The following CCBE1 variants were observed in gnomAD, a reference collection of about 807,000 sequenced individuals.
CCBE1 encodes collagen and calcium-binding EGF domain-containing protein 1.
Under a neutral mutation model 50.0 loss-of-function variants are expected in CCBE1, and 37 were observed. The observed-to-expected ratio is 0.74, with a 90% CI of 0.57 to 0.97. The LOEUF is 0.97. Among genes scored for constraint, CCBE1 ranks in the 50% least tolerant of loss-of-function variants. The pLI, the probability that CCBE1 is intolerant of heterozygous loss-of-function variation, is 0.00. For missense variants in CCBE1, 538 were observed against 523.8 expected (o/e 1.03, Z -0.26); for synonymous variants, 234 against 203.7 (o/e 1.15, Z -1.27).
chr18:59,693,351 G>A (rs1303986138), intron 2 of CCBE1, among the ~76,000 whole-genome samples: 1 of 152,010 alleles, frequency 6.6e-6, no homozygotes, highest in Non-Finnish European at 1.5e-5. Context: ...CAGCTTTCAT[G>A]GTCCCCCTTT....
chr18:59,583,668 TGTGTGTGTGTGTGCGCGCGCGC>T (rs1568218383), intron 2 of CCBE1, among the ~76,000 whole-genome samples: 3 of 93,942 alleles, frequency 3.2e-5, no homozygotes, highest in African/African-American at 1.3e-4. Flanking sequence ...TGTGTGTGTG[TGTGTGTGTGTGTGCGCGCGCGC>T]GCGCGCGCGC....
At chr18:59,562,706 C>A (rs550183495) in intron 2 of CCBE1, among the ~76,000 whole-genome samples, 224 of 152,296 alleles carry the variant, frequency 1.5e-3, no homozygotes, top group African/African-American at 5.2e-3. Context: ...TCAAGACTAC[C>A]TCATGAACTA....
intron 2 of CCBE1, among the ~76,000 whole-genome samples, chr18:59,506,363 C>G (rs1913873470): frequency 1.3e-5 from 2 of 152,172 alleles, no homozygotes; most frequent in African/African-American, 4.8e-5. Flanking sequence ...TTGTGGTCTC[C>G]TGGCCTGTAA....
At chr18:59,613,870 T>G (rs1220597469) in intron 2 of CCBE1, among the ~76,000 whole-genome samples, 1 of 103,518 alleles carries the variant, frequency 9.7e-6, no homozygotes, top group African/African-American at 5.8e-5. Flanking sequence ...TGGGTTTTTT[T>G]TTTTTTTTTT....
intron 2 of CCBE1, chr18:59,563,749 A>G (rs2052777128): frequency 6.6e-6 from 1 of 152,226 alleles, no homozygotes; most frequent in South Asian, 2.1e-4. Flanking sequence ...AGGATTTACA[A>G]GTCAGTAAAA....
chr18:59,529,220 G>C (rs530230076), intron 2 of CCBE1, among the ~76,000 whole-genome samples: 14 of 152,224 alleles, frequency 9.2e-5, no homozygotes, highest in African/African-American at 3.4e-4. Flanking sequence ...ATGGGTCAGG[G>C]TCCAGCCCAA....
At chr18:59,697,507 G>A (rs998423393), upstream of CCBE1, 1 of 908,840 alleles carries the variant, frequency 1.1e-6, no homozygotes, top group East Asian at 2.7e-5. Context: ...TTATGGGGCT[G>A]GGGGGAAAAT....
intron 2 of CCBE1, among the ~76,000 whole-genome samples, chr18:59,638,934 T>A (rs1382744661): frequency 6.6e-6 from 1 of 152,196 alleles, no homozygotes; most frequent in Non-Finnish European, 1.5e-5. Context: ...GAAATCTAAT[T>A]TGAGAGTAAC....
intron 2 of CCBE1, among the ~76,000 whole-genome samples, chr18:59,676,141 C>CAG (rs1298605103): frequency 1.3e-5 from 2 of 152,174 alleles, no homozygotes; most frequent in African/African-American, 4.8e-5. Context: ...TGAAGGTCAC[C>CAG]AGAGGAACAA....
chr18:59,445,762 G>A (rs1288981046), intron 7 of CCBE1, among the ~76,000 whole-genome samples: 5 of 152,072 alleles, frequency 3.3e-5, no homozygotes, highest in Admixed American at 3.3e-4. Context: ...CAAAAAAGAG[G>A]CCAGAGATAA....
chr18:59,454,420 T>G (rs1911083290), intron 6 of CCBE1, among the ~76,000 whole-genome samples: 2 of 152,112 alleles, frequency 1.3e-5, no homozygotes, highest in Admixed American at 1.3e-4. Flanking sequence ...AATTTTTGTA[T>G]TTTTTAGTAG....
At position 59,653,502 on chromosome 18, in the gene CCBE1, G is replaced by T. The variant is rs955222764; in HGVS notation, c.212+43127C>A. ...GGAATACTCACCCTGTGCCAAACAG[G>T]ACTGTGTGCTTTTCACATTGTCTGC... On this transcript the variant is annotated intron_variant, in intron 2 of 10. Transcript: ENST00000439986. 1.1e-4 allele frequency among the ~76,000 whole-genome samples: 16 copies of T among 152,252 alleles called. No homozygotes were observed. In the East Asian group the frequency reaches 2.9e-3, roughly 27 times the overall value.
chr18:59,545,841 C>A (rs926133038), intron 2 of CCBE1, among the ~76,000 whole-genome samples: 5 of 152,206 alleles, frequency 3.3e-5, no homozygotes, highest in African/African-American at 1.2e-4. Flanking sequence ...GTAAGAAGTG[C>A]CTTTCACCTC....
chr18:59,602,198 A>G (rs1198174411), intron 2 of CCBE1, among the ~76,000 whole-genome samples: 2 of 152,044 alleles, frequency 1.3e-5, no homozygotes, highest in Non-Finnish European at 2.9e-5. Context: ...ATGCAAACTC[A>G]GATAATGCCA....
At chr18:59,460,543 T>G (rs1598918591) in intron 5 of CCBE1, among the ~76,000 whole-genome samples, 1 of 152,364 alleles carries the variant, frequency 6.6e-6, no homozygotes. Flanking sequence ...ATTGAATGTT[T>G]GGATGTGTAA....
At chr18:59,578,353 T>G (rs2053031463) in intron 2 of CCBE1, among the ~76,000 whole-genome samples, 1 of 152,076 alleles carries the variant, frequency 6.6e-6, no homozygotes, top group Admixed American at 6.5e-5. Flanking sequence ...TTGGTGGGAG[T>G]GTAAATTAGC....
At chr18:59,590,583 G>C (rs2053249419) in intron 2 of CCBE1, among the ~76,000 whole-genome samples, 2 of 152,110 alleles carry the variant, frequency 1.3e-5, no homozygotes, top group Non-Finnish European at 2.9e-5. Context: ...AAAAAGAAAA[G>C]CCACAGGAGG....
chr18:59,440,601 C>T lies in CCBE1; in HGVS notation c.776-785G>A, dbSNP rs79007886. Among the ~76,000 whole-genome samples, 507 of 152,292 alleles carry T rather than the reference C, an allele frequency of 3.3e-3. 1 individual carries two copies. Among genetic ancestry groups the T allele is most frequent in the African/African-American group, 0.012 (485 of 41,568 alleles). ...ACCTTCTGGTGCAAATGTCTCAAGG[C>T]ACTCGGTGGGTCAGCAAACTCACTC... On this transcript the variant is annotated intron_variant, in intron 7 of 10. Coordinates refer to ENST00000439986, the MANE Select transcript of CCBE1 (RefSeq NM_133459.4).
Position 59,658,855 on chromosome 18 carries a change from G to A in CCBE1, c.212+37774C>T, listed in dbSNP as rs533744429. Among the ~76,000 whole-genome samples the A allele has an allele frequency of 1.9e-4, 26 of 134,522 alleles. No individual in the cohort carries two copies. In the Admixed American group the frequency reaches 2.0e-3, roughly 11 times the overall value. The allele number at this position is 134,522 out of a possible 152,430, so 88.3% of individuals were successfully genotyped here. ...AGATCGTGCCACTGCACTCCAGTCT[G>A]GGCAACAGAGCAAGACTCTGTCTCA... On this transcript the variant is annotated intron_variant, in intron 2 of 10. Coordinates refer to ENST00000439986, the MANE Select transcript of CCBE1 (RefSeq NM_133459.4).
Sources: gnomAD v4.1 joint callset for allele counts (sites outside exome capture counted in the v4.1 genomes callset) on GRCh38, gnomAD v4.1.1 for gene constraint, MANE v1.5 for transcripts, NCBI Gene and HGNC (gene_info 2026-07-23, HGNC 2026-07-21) for gene names.